SAMD5: variants seen among roughly 807,000 people sequenced by gnomAD.
SAMD5 encodes the protein sterile alpha motif domain containing 5, also known as sterile alpha motif domain-containing protein 5.
A neutral mutation model predicts 11.3 loss-of-function variants in SAMD5; 13 were observed. The ratio of observed to expected loss-of-function variants is 1.15; its 90% CI spans 0.75 to 1.83. The LOEUF (loss-of-function observed/expected upper bound fraction) is 1.83, where lower values mean the gene tolerates loss of function less well. SAMD5 is among the 40% of genes most tolerant of loss of function. SAMD5 has a pLI of 0.00. For synonymous variants in SAMD5, 129 were observed against 111.3 expected, an observed-to-expected ratio of 1.16 and a Z score of -1.00; for missense variants, 255 against 239.1, an observed-to-expected ratio of 1.07 and a Z score of -0.44.
the SAMD5 span, among the ~76,000 whole-genome samples, chr6:147,758,073 C>G: frequency 6.6e-6 from 1 of 152,264 alleles, no homozygotes; most frequent in African/African-American, 2.4e-5. Flanking sequence ...CTTTGAGAAA[C>G]CTTACTGGGT....
chr6:147,685,417 A>G (rs111930689), intron 1 of SAMD5, among the ~76,000 whole-genome samples: 17,508 of 152,032 alleles, frequency 0.12, 1,106 homozygotes, highest in Middle Eastern at 0.16. Flanking sequence ...CAGGTAATCC[A>G]CCCACCTCAG....
intron 1 of SAMD5, among the ~76,000 whole-genome samples, chr6:147,609,326 G>A (rs984115161): frequency 2.6e-5 from 4 of 152,280 alleles, no homozygotes; most frequent in South Asian, 2.1e-4. Context: ...TAAAGAAAGA[G>A]GCCTGGAATA....
At chr6:147,685,295 C>T (rs1354477976) in intron 1 of SAMD5, among the ~76,000 whole-genome samples, 1 of 152,188 alleles carries the variant, frequency 6.6e-6, no homozygotes, top group Admixed American at 6.5e-5. Context: ...CTCCCAGGTT[C>T]AAGCGATTCT....
the SAMD5 span, among the ~76,000 whole-genome samples, chr6:147,842,308 T>C: frequency 6.6e-6 from 1 of 152,006 alleles, no homozygotes; most frequent in East Asian, 1.9e-4. Flanking sequence ...CAGTGGCTCA[T>C]GGGAAGTCTC....
chr6:147,834,232 T>C, the SAMD5 span, among the ~76,000 whole-genome samples: 3 of 151,976 alleles, frequency 2.0e-5, no homozygotes, highest in African/African-American at 7.3e-5. Flanking sequence ...CTCATATGAG[T>C]TATAGCATAT....
the SAMD5 span, among the ~76,000 whole-genome samples, chr6:147,954,376 A>G: frequency 6.6e-6 from 1 of 152,220 alleles, no homozygotes; most frequent in Non-Finnish European, 1.5e-5. Context: ...CACATATAGG[A>G]TAGCGGTGGT....
At chr6:147,656,110 T>C (rs1340771922) in intron 1 of SAMD5, among the ~76,000 whole-genome samples, 1 of 152,212 alleles carries the variant, frequency 6.6e-6, no homozygotes, top group Non-Finnish European at 1.5e-5. Flanking sequence ...TAATAAATGG[T>C]GTTGGGACAA....
At chr6:147,697,362 C>T (rs1171848395) in intron 1 of SAMD5, among the ~76,000 whole-genome samples, 2 of 152,166 alleles carry the variant, frequency 1.3e-5, no homozygotes, top group Admixed American at 1.3e-4. Flanking sequence ...GAATGGTTCC[C>T]TGCAGTAAAT....
chr6:147,766,397 C>A, the SAMD5 span, among the ~76,000 whole-genome samples: 2 of 152,154 alleles, frequency 1.3e-5, no homozygotes, highest in Admixed American at 1.3e-4. Context: ...CACATCACAA[C>A]ATTTCAAAAC....
the SAMD5 span, among the ~76,000 whole-genome samples, chr6:147,849,019 C>T: frequency 6.6e-6 from 1 of 152,156 alleles, no homozygotes. Context: ...CACAACTCCT[C>T]AACTCTGCTG....
chr6:147,790,806 C>T, the SAMD5 span, among the ~76,000 whole-genome samples: 32 of 107,074 alleles, frequency 3.0e-4, no homozygotes, highest in African/African-American at 8.6e-4. Context: ...CTCTCTCTCT[C>T]TCTCTCTCTC....
At chr6:147,824,577 G>A in the SAMD5 span, among the ~76,000 whole-genome samples, 2 of 151,980 alleles carry the variant, frequency 1.3e-5, no homozygotes, top group Admixed American at 6.6e-5. Flanking sequence ...TAACCACTTG[G>A]TTAAATGGCT....
At chr6:147,849,079 TTG>T in the SAMD5 span, among the ~76,000 whole-genome samples, 1 of 152,098 alleles carries the variant, frequency 6.6e-6, no homozygotes, top group Admixed American at 6.5e-5. Context: ...TTTAGAGAAC[TTG>T]GAATTCTCTG....
chr6:147,782,676 G>A, the SAMD5 span, among the ~76,000 whole-genome samples: 1 of 152,210 alleles, frequency 6.6e-6, no homozygotes, highest in African/African-American at 2.4e-5. Context: ...TAATGGCAGA[G>A]AGCAAAAGCT....
intron 1 of SAMD5, among the ~76,000 whole-genome samples, chr6:147,595,219 T>A (rs892842081): frequency 6.6e-6 from 1 of 152,230 alleles, no homozygotes; most frequent in Non-Finnish European, 1.5e-5. Context: ...TTTGCACAAA[T>A]TATGAGATCT....
chr6:147,841,136 A>C, the SAMD5 span, among the ~76,000 whole-genome samples: 1 of 152,182 alleles, frequency 6.6e-6, no homozygotes, highest in African/African-American at 2.4e-5. Context: ...GGAGATGGAG[A>C]TTTGTGATTC....
At chr6:147,542,052 C>G (rs1446658774) in intron 1 of SAMD5, among the ~76,000 whole-genome samples, 1 of 152,232 alleles carries the variant, frequency 6.6e-6, no homozygotes, top group Non-Finnish European at 1.5e-5. Flanking sequence ...AGACACCCCG[C>G]AATGGGGCTA....
At chr6:147,595,927 C>T (rs542036682) in intron 1 of SAMD5, among the ~76,000 whole-genome samples, 12 of 152,120 alleles carry the variant, frequency 7.9e-5, no homozygotes, top group South Asian at 6.2e-4. Context: ...TATACAGCTC[C>T]GTATTAGTAT....
the SAMD5 span, among the ~76,000 whole-genome samples, chr6:147,936,469 C>T: frequency 6.6e-6 from 1 of 151,844 alleles, no homozygotes; most frequent in Non-Finnish European, 1.5e-5. Context: ...GGAGGGATCA[C>T]ACACTTTTAA....
Sources: allele counts gnomAD v4.1 joint callset (sites outside exome capture counted in the v4.1 genomes callset), GRCh38; gene constraint gnomAD v4.1.1; transcripts MANE v1.5; gene names NCBI Gene and HGNC (gene_info 2026-07-23, HGNC 2026-07-21).